The following KCNT2 variants were observed in gnomAD, a reference collection of about 807,000 sequenced individuals.
KCNT2 encodes potassium channel subfamily T member 2.
A neutral mutation model predicts 153.8 loss-of-function variants in KCNT2; 67 were observed. The observed-to-expected ratio is 0.44, with a 90% CI of 0.36 to 0.53. The LOEUF (loss-of-function observed/expected upper bound fraction) is 0.53. KCNT2 is among the 20% of genes least tolerant of loss of function. The pLI, the probability that KCNT2 is intolerant of heterozygous loss-of-function variation, is 0.00. For synonymous variants in KCNT2, 500 were observed against 458.8 expected (o/e 1.09, Z -1.15); for missense variants, 975 against 1,354.8 (o/e 0.72, Z 4.40).
chr1:196,475,461 G>T (rs1271212985), intron 5 of KCNT2, among the ~76,000 whole-genome samples: 1 of 151,890 alleles, frequency 6.6e-6, no homozygotes, highest in Non-Finnish European at 1.5e-5. Context: ...CTTAAAAAAA[G>T]ATACAAATAT....
chr1:196,306,100 T>G (rs1023199811), intron 21 of KCNT2, among the ~76,000 whole-genome samples: 1 of 152,104 alleles, frequency 6.6e-6, no homozygotes, highest in African/African-American at 2.4e-5. Flanking sequence ...GTTCATGATC[T>G]GATCCTTACC....
chr1:196,595,186 T>C (rs1257705136), intron 1 of KCNT2, among the ~76,000 whole-genome samples: 2 of 151,870 alleles, frequency 1.3e-5, no homozygotes, highest in Admixed American at 1.3e-4. Flanking sequence ...AGGAGGGAAT[T>C]TGAAAAAAAT....
chr1:196,253,780 T>C (rs934911236), intron 26 of KCNT2, among the ~76,000 whole-genome samples: 2 of 151,560 alleles, frequency 1.3e-5, no homozygotes, highest in African/African-American at 2.4e-5. Flanking sequence ...TGACTATTTA[T>C]ACTCAACCAC....
At chr1:196,359,237 C>A (rs1286937429) in intron 14 of KCNT2, among the ~76,000 whole-genome samples, 1 of 151,932 alleles carries the variant, frequency 6.6e-6, no homozygotes, top group Non-Finnish European at 1.5e-5. Flanking sequence ...CGGGGACTGG[C>A]ATTTTGTCTT....
chr1:196,463,391 A>C (rs1000836712), intron 8 of KCNT2, among the ~76,000 whole-genome samples: 1 of 151,842 alleles, frequency 6.6e-6, no homozygotes, highest in Non-Finnish European at 1.5e-5. Flanking sequence ...TGCAGAGAAG[A>C]ATACACAAAG....
At chr1:196,601,540 T>A (rs779866966) in intron 1 of KCNT2, among the ~76,000 whole-genome samples, 1 of 152,196 alleles carries the variant, frequency 6.6e-6, no homozygotes, top group African/African-American at 2.4e-5. Flanking sequence ...AGGCTATCAT[T>A]TAAATTTTGA....
intron 1 of KCNT2, among the ~76,000 whole-genome samples, chr1:196,506,298 A>G (rs528109379): frequency 6.6e-6 from 1 of 152,312 alleles, no homozygotes; most frequent in East Asian, 1.9e-4. Context: ...TATGCAACAA[A>G]GCAATGACAA....
At chr1:196,346,976 T>G (rs1283975997) in intron 14 of KCNT2, among the ~76,000 whole-genome samples, 1 of 152,132 alleles carries the variant, frequency 6.6e-6, no homozygotes, top group Non-Finnish European at 1.5e-5. Context: ...GATATATGCT[T>G]TTACCCCCAT....
intron 19 of KCNT2, among the ~76,000 whole-genome samples, chr1:196,324,182 C>G (rs1663616590): frequency 6.6e-6 from 1 of 151,852 alleles, no homozygotes; most frequent in Non-Finnish European, 1.5e-5. Flanking sequence ...TATTTAATAA[C>G]AATATAATGT....
chr1:196,314,405 ATATATCTG>A (rs1238786576), intron 21 of KCNT2, among the ~76,000 whole-genome samples: 3 of 151,640 alleles, frequency 2.0e-5, no homozygotes, highest in Non-Finnish European at 1.5e-5. Context: ...AAAAAAATTT[ATATATCTG>A]TAATATTTTA....
intron 26 of KCNT2, among the ~76,000 whole-genome samples, chr1:196,243,383 G>A (rs1212979334): frequency 2.0e-5 from 3 of 152,108 alleles, no homozygotes; most frequent in Non-Finnish European, 4.4e-5. Context: ...AAAAACCAAA[G>A]ATGAGGTGAG....
chr1:196,462,437 A>C (rs1677229687), intron 8 of KCNT2, among the ~76,000 whole-genome samples: 2 of 151,710 alleles, frequency 1.3e-5, no homozygotes, highest in Admixed American at 1.3e-4. Flanking sequence ...TACAGTGGTG[A>C]AAGATGTTTT....
chr1:196,375,442 A>C (rs1049239940), intron 13 of KCNT2, among the ~76,000 whole-genome samples: 2 of 151,808 alleles, frequency 1.3e-5, no homozygotes, highest in African/African-American at 2.4e-5. Flanking sequence ...AATTAAGAGA[A>C]ATTTTACTTT....
intron 14 of KCNT2, among the ~76,000 whole-genome samples, chr1:196,360,742 A>G (rs948508214): frequency 5.9e-5 from 9 of 152,156 alleles, no homozygotes; most frequent in South Asian, 4.2e-4. Flanking sequence ...CCAAGGAGAG[A>G]GGACTGGGCA....
chr1:196,528,416 A>G (rs913320528), intron 1 of KCNT2, among the ~76,000 whole-genome samples: 5 of 152,142 alleles, frequency 3.3e-5, no homozygotes, highest in Non-Finnish European at 7.4e-5. Context: ...AAAATAAATT[A>G]TGTGATTCCT....
intron 21 of KCNT2, among the ~76,000 whole-genome samples, chr1:196,310,252 T>C (rs1307787624): frequency 6.6e-6 from 1 of 151,830 alleles, no homozygotes; most frequent in East Asian, 1.9e-4. Flanking sequence ...TAACAGGGGG[T>C]ATACATTAAT....
chr1:196,239,868 T>C (rs549709256), intron 26 of KCNT2, among the ~76,000 whole-genome samples: 1 of 152,054 alleles, frequency 6.6e-6, no homozygotes, highest in African/African-American at 2.4e-5. Flanking sequence ...TCTAATCCAA[T>C]AGGACTGGTG....
At chr1:196,567,244 T>A (rs772929375) in intron 1 of KCNT2, among the ~76,000 whole-genome samples, 2 of 152,106 alleles carry the variant, frequency 1.3e-5, no homozygotes, top group Non-Finnish European at 2.9e-5. Flanking sequence ...CTATGTAGCA[T>A]TTCTTGAACA....
rs75640776 is a variant in KCNT2, at chr1:196,419,699, T to G, written c.1185+3351A>C. On this transcript the variant is annotated intron_variant, in intron 12 of 27. Coordinates refer to ENST00000294725, the MANE Select transcript of KCNT2 (RefSeq NM_198503.5). Reference sequence around the variant, plus strand: ...GAAAAAATATTTCCCTTCAGAATTTTGAAAGCATTGTCCCACTGTCTTCTG... The same window carrying G: ...GAAAAAATATTTCCCTTCAGAATTTGGAAAGCATTGTCCCACTGTCTTCTG... Among the ~76,000 whole-genome samples the G allele has an allele frequency of 1.2e-4, 18 of 152,198 alleles. No homozygotes were observed. In the East Asian group the frequency reaches 3.5e-3, roughly 30 times the overall value.
Sources: gnomAD v4.1 joint callset for allele counts (sites outside exome capture counted in the v4.1 genomes callset) on GRCh38, gnomAD v4.1.1 for gene constraint, MANE v1.5 for transcripts, NCBI Gene and HGNC (gene_info 2026-07-23, HGNC 2026-07-21) for gene names.